Variants in SNAPC4 observed in about 807,000 individuals in gnomAD.
SNAPC4 encodes small nuclear RNA activating complex polypeptide 4.
A neutral mutation model predicts 151.3 loss-of-function variants in SNAPC4; 127 were observed. The ratio of observed to expected loss-of-function variants is 0.84; its 90% CI spans 0.73 to 0.97. The LOEUF (loss-of-function observed/expected upper bound fraction) is 0.97. Among genes scored for constraint, SNAPC4 ranks in the 50% least tolerant of loss-of-function variants. SNAPC4 has a pLI of 0.00. For missense variants in SNAPC4, 2,186 were observed against 1,935.0 expected, an observed-to-expected ratio of 1.13 and a Z score of -2.43; for synonymous variants, 1,002 against 824.4, an observed-to-expected ratio of 1.22 and a Z score of -3.69.
intron 7 of SNAPC4, among the ~76,000 whole-genome samples, chr9:136,393,484 A>T (rs1243924234): frequency 6.6e-6 from 1 of 152,230 alleles, no homozygotes; most frequent in Admixed American, 6.5e-5. Context: ...TCATCAGGAC[A>T]GCAGCGCCTT....
In SNAPC4 at chr9:136,378,963, G is replaced by A; in HGVS notation, c.2864C>T (p.Pro955Leu). 1.9e-6 allele frequency: 3 copies of A among 1,608,974 alleles called. No individual in the cohort carries two copies. The highest frequency in any genetic ancestry group is 1.7e-6 in the Non-Finnish European group (2 of 1,178,702). Reference protein sequence around the residue: ...PTVLNVPLSGPGAPAAAKPGT... With the variant: ...PTVLNVPLSGLGAPAAAKPGT... ...AGGTTTGGCTGCCGCGGGGGCCCCA[G>A]GCCCAGAGAGCGGTACATTTAAGAC... The change falls in exon 22 of 24, where the codon CCT becomes CTT. Residue 955 changes from proline to leucine, a missense_variant. Transcript: ENST00000684778.
At chr9:136,387,890 C>T (rs1324929244) in intron 11 of SNAPC4, 42 bp from the exon 12 acceptor site, 2 of 1,105,780 alleles carry the variant, frequency 1.8e-6, no homozygotes, top group South Asian at 2.5e-5. Context: ...GGCCGAGACA[C>T]ACACCCTCCA....
rs561302486 is a variant in SNAPC4, at chr9:136,388,654, C to G, written c.976-63G>C. The G allele has an allele frequency of 3.8e-5, 61 of 1,601,538 alleles. No homozygotes were observed. The African/African-American group carries it at 7.2e-4, about 19-fold the overall frequency. Reference sequence around the variant, plus strand: ...CGCGGCAGGATGTCCAGATCTGGCTCTGAGTGCCCCAGGGCACAGGTGGGC... The same window carrying G: ...CGCGGCAGGATGTCCAGATCTGGCTGTGAGTGCCCCAGGGCACAGGTGGGC... On this transcript the variant is annotated intron_variant, in intron 10 of 23. Transcript: ENST00000684778.
Position 136,382,258 on chromosome 9 carries a change from T to C in SNAPC4, c.2062A>G (p.Thr688Ala). 1 of 1,612,654 alleles carries C rather than the reference T, an allele frequency of 6.2e-7. No individual in the cohort carries two copies. The highest frequency in any genetic ancestry group is 8.5e-7 in the Non-Finnish European group (1 of 1,179,892). ...GTGTCTGCAGCAGGCCTCACCTGTG[T>C]GCAGCTCCGAGCAGCCGTGTTGGCC... ...LRANTAARSC[T>A]QKEQLRQPPL... is the part of the protein sequence containing the mutation. The change falls in exon 17 of 24, where the codon ACA becomes GCA. Residue 688 changes from threonine to alanine, a missense_variant. By Grantham distance (58) the Thr-to-Ala change is moderately conservative. Transcript: ENST00000684778.
At chr9:136,376,699 G>C (rs1482975426) in intron 22 of SNAPC4, among the ~76,000 whole-genome samples, 1 of 152,176 alleles carries the variant, frequency 6.6e-6, no homozygotes, top group African/African-American at 2.4e-5. Context: ...CATCCCTCTG[G>C]TGGGCCTCCC....
At chr9:136,392,833 A>G (rs990208302) in intron 7 of SNAPC4, 56 bp from the exon 8 acceptor site, 16 of 1,419,874 alleles carry the variant, frequency 1.1e-5, no homozygotes, top group Non-Finnish European at 1.6e-5. Flanking sequence ...GGGGCGGGGC[A>G]GGTTCTCTGC....
intron 9 of SNAPC4, 143 bp from the exon 10 acceptor site, chr9:136,392,249 C>T: frequency 3.9e-6 from 4 of 1,034,722 alleles, no homozygotes; most frequent in Non-Finnish European, 5.8e-6. Context: ...ACTCACTAGG[C>T]CTTGCATAGC....
chr9:136,376,253 C>A, intron 23 of SNAPC4, 96 bp downstream of exon 23: 1 of 1,445,720 alleles, frequency 6.9e-7, no homozygotes, highest in Admixed American at 1.8e-5. Context: ...CTGCTGTGAG[C>A]GCCAAAGAGC....
At chr9:136,384,096 T>C in intron 14 of SNAPC4, 64 bp from the exon 15 acceptor site, 1 of 1,433,672 alleles carries the variant, frequency 7.0e-7, no homozygotes, top group Non-Finnish European at 9.7e-7. Flanking sequence ...ACAGGCTTGC[T>C]GTTCCCCAGG....
intron 11 of SNAPC4, among the ~76,000 whole-genome samples, chr9:136,388,174 C>T (rs935698555): frequency 1.3e-5 from 2 of 150,424 alleles, no homozygotes; most frequent in African/African-American, 4.9e-5. Flanking sequence ...GGCTGAGGCA[C>T]GAGAATCGCT....
intron 1 of SNAPC4, among the ~76,000 whole-genome samples, chr9:136,399,068 T>C (rs544588992): frequency 6.6e-6 from 1 of 152,346 alleles, no homozygotes; most frequent in South Asian, 2.1e-4. Context: ...AGCTTTTTTC[T>C]TAGGAACTGT....
At position 136,379,289 on chromosome 9, in the gene SNAPC4, G is replaced by T; in HGVS notation, c.2538C>A (p.Phe846Leu). 6.2e-7 allele frequency: 1 copy of T among 1,612,630 alleles called. No individual in the cohort carries two copies. The highest frequency in any genetic ancestry group is 8.5e-7 in the Non-Finnish European group (1 of 1,179,960). ...SSAQSTPGHL[F>L]PNVPAQEASK... ...AGGCTTCTTGAGCCGGCACGTTTGG[G>T]AAGAGGTGGCCTGTGGGGAGGAAAG... Residue 846 changes from phenylalanine to leucine, a missense_variant, in exon 22 of 24, where the codon TTC becomes TTA. Transcript: ENST00000684778.
Position 136,378,445 on chromosome 9 carries a change from G to A in SNAPC4, c.3382C>T (p.Pro1128Ser). The A allele has an allele frequency of 6.3e-7, 1 of 1,589,222 alleles. No homozygotes were observed. Among genetic ancestry groups the A allele is most frequent in the Non-Finnish European group, 8.5e-7 (1 of 1,171,666 alleles). The part of the protein sequence containing the change: ...ETRAAQGPRA[P>S]ALSSSWQPPA... ...GGCTGCCAAGAGCTGCTCAACGCTG[G>A]GGCCCTGGGGCCCTGGGCCGCCCGA... The change falls in exon 22 of 24, where the codon CCA (proline) becomes TCA (serine). Residue 1128 changes from proline to serine, a missense_variant. Physicochemically the swap from Pro to Ser is moderately conservative, Grantham distance 74 (BLOSUM62 -1). Transcript: ENST00000684778.
chr9:136,398,401 T>C lies in SNAPC4; in HGVS notation c.28A>G (p.Ile10Val). 2.5e-6 allele frequency: 4 copies of C among 1,613,666 alleles called. No individual in the cohort carries two copies. The highest frequency in any genetic ancestry group is 3.4e-6 in the Non-Finnish European group (4 of 1,179,646). Residue 10 changes from isoleucine (I) to valine (V), a missense_variant, in exon 2 of 24, where the codon ATA (isoleucine) becomes GTA (valine). Ile to Val is a conservative substitution (Grantham distance 29, BLOSUM62 3). Coordinates refer to ENST00000684778, the MANE Select transcript of SNAPC4 (RefSeq NM_003086.4). ...TCCAGCTCCTTGATCTCCTGTGTTA[T>C]CTTCTCTCTTTCAGCATCTACATCC... MDVDAEREK[I>V]TQEIKELERI...
rs886082718 is a variant in SNAPC4, at chr9:136,378,261, G to A, written c.3566C>T (p.Thr1189Met). Residue 1189 changes from threonine to methionine, a missense_variant, in exon 22 of 24, where the codon ACG becomes ATG. Coordinates refer to ENST00000684778, the MANE Select transcript of SNAPC4 (RefSeq NM_003086.4). ...TTCAGGAGGGTCAGCGTGGGAGGAC[G>A]TCCTGGGCTCAGGTATCTCCCTGGC... is the stretch of plus-strand genomic sequence containing the variant. The part of the protein sequence containing the change: ...QVAREIPEPR[T>M]SSHADPPEAE... 9.3e-6 allele frequency: 15 copies of A among 1,607,570 alleles called. No homozygotes were observed. Among genetic ancestry groups the A allele is most frequent in the Admixed American group, 3.4e-5 (2 of 59,128 alleles).
At position 136,378,785 on chromosome 9, in the gene SNAPC4, G is replaced by T. The variant is rs749623066; in HGVS notation, c.3042C>A (p.Ile1014=). The T allele has an allele frequency of 6.4e-7, 1 of 1,557,298 alleles. No homozygotes were observed. Among genetic ancestry groups the T allele is most frequent in the Non-Finnish European group, 8.7e-7 (1 of 1,150,926 alleles). ...SQAPALGPGQ[I]SVSCPESGLG... ...GACCACTCTCGGGGCAGCTCACAGA[G>T]ATCTGGCCGGGGCCCAGGGCAGGGG... Residue 1014 remains isoleucine, a synonymous_variant, in exon 22 of 24, where the codon ATC becomes ATA. Transcript: ENST00000684778.
Position 136,378,452 on chromosome 9 carries a change from G to C in SNAPC4, c.3375C>G (p.Pro1125=), listed in dbSNP as rs1833552760. The change falls in exon 22 of 24, where the codon CCC becomes CCG. Residue 1125 remains proline (P), a synonymous_variant. Coordinates refer to ENST00000684778, the MANE Select transcript of SNAPC4 (RefSeq NM_003086.4). ...AAGAGCTGCTCAACGCTGGGGCCCT[G>C]GGGCCCTGGGCCGCCCGAGTCTCAG... ...PLTETRAAQG[P]RAPALSSSWQ... is the part of the protein sequence containing the mutation. The C allele has an allele frequency of 6.9e-6, 11 of 1,590,662 alleles. No individual in the cohort carries two copies. The highest frequency in any genetic ancestry group is 8.5e-6 in the Non-Finnish European group (10 of 1,172,318).
At position 136,387,837 on chromosome 9, in the gene SNAPC4, T is replaced by C. The variant is rs149868480; in HGVS notation, c.1135A>G (p.Met379Val). Reference sequence around the variant, plus strand: ...AGCTGCATGGAGTCTCTCCCTTCCATATAGTAGACAACTAGGGACAGAGGA... The same window carrying C: ...AGCTGCATGGAGTCTCTCCCTTCCACATAGTAGACAACTAGGGACAGAGGA... The part of the protein sequence containing the change: ...HIPYRRIVYY[M>V]EGRDSMQLIY... The change falls in exon 12 of 24, where the codon ATG becomes GTG. Residue 379 changes from methionine (M) to valine (V), a missense_variant. Met to Val is a conservative substitution (Grantham distance 21, BLOSUM62 1). Coordinates refer to ENST00000684778, the MANE Select transcript of SNAPC4 (RefSeq NM_003086.4). 506 of 1,593,370 alleles carry C rather than the reference T, an allele frequency of 3.2e-4. No homozygotes were observed. Among genetic ancestry groups the C allele is most frequent in the Non-Finnish European group, 4.0e-4 (467 of 1,161,662 alleles).
Position 136,381,474 on chromosome 9 carries a change from C to T in SNAPC4, c.2318-82G>A. ...ATGGGTGGAAAGCAGCCCCAGCTCC[C>T]ACGTGCCTTTCGAGGCGGCTCTGGG... is the stretch of plus-strand genomic sequence containing the variant. On this transcript the variant is annotated intron_variant, in intron 18 of 23. Coordinates refer to ENST00000684778, the MANE Select transcript of SNAPC4 (RefSeq NM_003086.4). 3 of 1,318,120 alleles carry T rather than the reference C, an allele frequency of 2.3e-6. No individual in the cohort carries two copies. In the South Asian group the frequency reaches 3.6e-5, roughly 16 times the overall value. The allele number at this position is 1,318,120 out of a possible 1,614,324, so 81.7% of individuals were successfully genotyped here.
Sources: gnomAD v4.1 joint callset for allele counts (sites outside exome capture counted in the v4.1 genomes callset) on GRCh38, gnomAD v4.1.1 for gene constraint, MANE v1.5 for transcripts, NCBI Gene and HGNC (gene_info 2026-07-23, HGNC 2026-07-21) for gene names.